Variants in POU6F2 observed in about 807,000 individuals in gnomAD.
POU6F2 encodes POU class 6 homeobox 2.
In POU6F2, 31 loss-of-function variants were observed where a neutral mutation model predicts 71.3. That is an observed-to-expected ratio of 0.43 (90% CI 0.33 to 0.59). The LOEUF (loss-of-function observed/expected upper bound fraction) is 0.59, where lower values mean the gene tolerates loss of function less well. POU6F2 is among the 20% of genes least tolerant of loss of function. POU6F2 has a pLI of 0.04. For synonymous variants in POU6F2, 347 were observed against 355.7 expected (o/e 0.98, Z 0.27); for missense variants, 783 against 856.8 (o/e 0.91, Z 1.07).
chr7:39,446,987 C>T (rs1680394505), intron 7 of POU6F2, among the ~76,000 whole-genome samples: 1 of 152,056 alleles, frequency 6.6e-6, no homozygotes, highest in African/African-American at 2.4e-5. Flanking sequence ...AAAGAGGATA[C>T]AATACTGAGA....
At chr7:39,124,057 T>C (rs1792096979) in intron 2 of POU6F2, among the ~76,000 whole-genome samples, 1 of 150,376 alleles carries the variant, frequency 6.6e-6, no homozygotes, top group African/African-American at 2.5e-5. Flanking sequence ...CCTTTTTTTT[T>C]TTTTTTTGAG....
chr7:39,018,859 C>G (rs1217195775), intron 1 of POU6F2, among the ~76,000 whole-genome samples: 1 of 152,078 alleles, frequency 6.6e-6, no homozygotes, highest in Admixed American at 6.6e-5. Flanking sequence ...ATAGTTTACC[C>G]TTTTCATGAA....
chr7:39,417,300 A>T (rs753895851), intron 6 of POU6F2, among the ~76,000 whole-genome samples: 1 of 152,204 alleles, frequency 6.6e-6, no homozygotes, highest in Non-Finnish European at 1.5e-5. Context: ...ACTCTTAAAG[A>T]TGTCATCAAC....
At chr7:39,268,527 C>G (rs1421120485) in intron 4 of POU6F2, among the ~76,000 whole-genome samples, 3 of 152,158 alleles carry the variant, frequency 2.0e-5, no homozygotes, top group African/African-American at 7.2e-5. Flanking sequence ...ATAGGGCACT[C>G]CAAATGGCAG....
intron 5 of POU6F2, among the ~76,000 whole-genome samples, chr7:39,402,982 T>C (rs1238898161): frequency 1.3e-5 from 2 of 152,238 alleles, no homozygotes; most frequent in Non-Finnish European, 2.9e-5. Context: ...TCTAAAACTT[T>C]TGAGTGCATT....
chr7:39,224,265 A>G (rs1389636613), intron 4 of POU6F2, among the ~76,000 whole-genome samples: 1 of 152,178 alleles, frequency 6.6e-6, no homozygotes, highest in East Asian at 1.9e-4. Context: ...GCCAACTTCC[A>G]GCCAGAAAGT....
At chr7:39,007,168 A>G (rs940876) in intron 1 of POU6F2, among the ~76,000 whole-genome samples, 46,258 of 152,136 alleles carry the variant, frequency 0.3, 7,191 homozygotes, top group South Asian at 0.45. Flanking sequence ...TAGAGTTTAT[A>G]TTCTAAATAC....
At chr7:39,437,887 G>C (rs1297949511) in intron 7 of POU6F2, among the ~76,000 whole-genome samples, 1 of 151,852 alleles carries the variant, frequency 6.6e-6, no homozygotes, top group East Asian at 1.9e-4. Context: ...TTACCCAGGA[G>C]TCATCTAGGA....
chr7:39,246,901 G>A (rs1008697319), intron 4 of POU6F2, among the ~76,000 whole-genome samples: 20 of 110,926 alleles, frequency 1.8e-4, no homozygotes, highest in African/African-American at 7.4e-4. Flanking sequence ...CAAATCCAGG[G>A]TGGCTTTTTT....
chr7:39,236,234 G>A (rs1794673443), intron 4 of POU6F2, among the ~76,000 whole-genome samples: 1 of 152,002 alleles, frequency 6.6e-6, no homozygotes, highest in South Asian at 2.1e-4. Context: ...AGAAATTGAG[G>A]TACAGAAATA....
intron 4 of POU6F2, among the ~76,000 whole-genome samples, chr7:39,212,382 G>A (rs1373817063): frequency 6.6e-6 from 1 of 152,162 alleles, no homozygotes; most frequent in Non-Finnish European, 1.5e-5. Context: ...TTTAGGTTCT[G>A]AGTGTTTTGA....
At chr7:39,079,046 C>T (rs1477714463) in intron 1 of POU6F2, among the ~76,000 whole-genome samples, 1 of 152,144 alleles carries the variant, frequency 6.6e-6, no homozygotes, top group African/African-American at 2.4e-5. Context: ...AGAAAAGTAA[C>T]TCCCAGTCAG....
chr7:39,087,164 ATTTATTTATTTATTTATTT>A (rs1326194097), intron 2 of POU6F2, among the ~76,000 whole-genome samples: 2,296 of 114,360 alleles, frequency 0.02, 56 homozygotes, highest in African/African-American at 0.069. Flanking sequence ...TAATTAATTT[ATTTATTTATTTATTTATTT>A]ATTTATTTAT....
chr7:39,187,448 G>T (rs1373935910), intron 2 of POU6F2, among the ~76,000 whole-genome samples: 1 of 152,240 alleles, frequency 6.6e-6, no homozygotes. Context: ...CTCCGTGGTG[G>T]CATGGACAAG....
intron 1 of POU6F2, among the ~76,000 whole-genome samples, chr7:39,005,384 A>G (rs1442595606): frequency 6.6e-6 from 1 of 152,122 alleles, no homozygotes; most frequent in Non-Finnish European, 1.5e-5. Context: ...AATGCAGCCG[A>G]CAACTGCTTC....
intron 2 of POU6F2, among the ~76,000 whole-genome samples, chr7:39,122,533 A>G (rs528375069): frequency 1.4e-4 from 22 of 152,204 alleles, no homozygotes; most frequent in African/African-American, 4.3e-4. Context: ...AAGTGTGCAT[A>G]TAACAGCAGA....
At position 39,022,680 on chromosome 7, in the gene POU6F2, A is replaced by G. The variant is rs142792527; in HGVS notation, c.105+44622A>G. ...CATCTGTGATATTCATTGTTTTCACATGTATTGGGACTTTCCCCCGCTTTT... is the reference window on the plus strand; with the variant it reads ...CATCTGTGATATTCATTGTTTTCACGTGTATTGGGACTTTCCCCCGCTTTT... On this transcript the variant is annotated intron_variant, in intron 1 of 9. Transcript: ENST00000518318. 3.0e-4 allele frequency among the ~76,000 whole-genome samples: 45 copies of G among 152,154 alleles called. No homozygotes were observed. The East Asian group carries it at 8.5e-3, about 29-fold the overall frequency.
At chr7:39,054,710 G>C (rs993786926) in intron 1 of POU6F2, among the ~76,000 whole-genome samples, 4 of 151,778 alleles carry the variant, frequency 2.6e-5, no homozygotes, top group South Asian at 2.1e-4. Flanking sequence ...CAGCTGCAGT[G>C]GGGGTGGGGG....
chr7:39,302,497 C>A (rs1784966965), intron 4 of POU6F2, among the ~76,000 whole-genome samples: 1 of 152,214 alleles, frequency 6.6e-6, no homozygotes, highest in Non-Finnish European at 1.5e-5. Flanking sequence ...ATATTCTAAC[C>A]TGGCGCTGTT....
Sources: allele counts gnomAD v4.1 joint callset (sites outside exome capture counted in the v4.1 genomes callset), GRCh38; gene constraint gnomAD v4.1.1; transcripts MANE v1.5; gene names NCBI Gene and HGNC (gene_info 2026-07-23, HGNC 2026-07-21).